The following VPS13D variants were observed in gnomAD, a reference collection of about 807,000 sequenced individuals.
VPS13D encodes intermembrane lipid transfer protein VPS13D.
In VPS13D, 187 loss-of-function variants were observed where a neutral mutation model predicts 461.9. The ratio of observed to expected loss-of-function variants is 0.40; its 90% confidence interval spans 0.36 to 0.46. VPS13D has a LOEUF of 0.46. VPS13D is among the 20% of genes least tolerant of loss of function. The probability of loss-of-function intolerance (pLI) is 0.60; values close to 1 mark genes in which losing one functional copy is unlikely to be tolerated. For missense variants in VPS13D, 4,711 were observed against 5,364.9 expected (o/e 0.88, Z 3.81); for synonymous variants, 1,951 against 1,986.3 (o/e 0.98, Z 0.47).
chr1:12,345,282 A>G (rs1471337631), intron 42 of VPS13D, 92 bp from the exon 43 acceptor site: 1 of 1,443,778 alleles, frequency 6.9e-7, no homozygotes, highest in Non-Finnish European at 9.4e-7. Context: ...TTTTTACATC[A>G]TATGTACTAA....
chr1:12,411,882 G>A (rs1331872441), intron 63 of VPS13D, among the ~76,000 whole-genome samples: 3 of 152,276 alleles, frequency 2.0e-5, no homozygotes, highest in East Asian at 1.9e-4. Flanking sequence ...GCTTCTTCAC[G>A]TGGTGGAAGC....
At chr1:12,336,186 C>T in intron 39 of VPS13D, 1 of 200,932 alleles carries the variant, frequency 5.0e-6, no homozygotes, top group Non-Finnish European at 1.0e-5. Flanking sequence ...ATTTTTTTGG[C>T]CAGATTTTTA....
chr1:12,313,830 C>T (rs1253572539), intron 29 of VPS13D, among the ~76,000 whole-genome samples: 1 of 152,084 alleles, frequency 6.6e-6, no homozygotes, highest in Non-Finnish European at 1.5e-5. Flanking sequence ...GGAATGATAA[C>T]GGATTCAGAA....
chr1:12,508,859 G>A (rs1303899843), intron 69 of VPS13D, 34 bp from the exon 70 acceptor site: 1 of 1,606,152 alleles, frequency 6.2e-7, no homozygotes, highest in South Asian at 1.1e-5. Context: ...TCCCCATCCT[G>A]GGGACAGGTG....
intron 65 of VPS13D, among the ~76,000 whole-genome samples, chr1:12,441,855 G>C (rs1645135637): frequency 6.6e-6 from 1 of 152,198 alleles, no homozygotes; most frequent in South Asian, 2.1e-4. Context: ...TGATCAGAGA[G>C]TATTTTTTGG....
intron 2 of VPS13D, among the ~76,000 whole-genome samples, chr1:12,239,141 C>G (rs1463288188): frequency 6.6e-6 from 1 of 151,752 alleles, no homozygotes; most frequent in Non-Finnish European, 1.5e-5. Context: ...ATCTTTTTTT[C>G]TTTTTTCTTT....
chr1:12,374,871 G>A (rs920286340), intron 55 of VPS13D, among the ~76,000 whole-genome samples: 17 of 152,152 alleles, frequency 1.1e-4, no homozygotes, highest in African/African-American at 3.6e-4. Flanking sequence ...CCGAGTAGCT[G>A]GGACTACAGG....
At chr1:12,292,262 CAAAAA>C (rs766212937) in intron 23 of VPS13D, among the ~76,000 whole-genome samples, 1 of 12,244 alleles carries the variant, frequency 8.2e-5, no homozygotes, top group Non-Finnish European at 1.4e-4. Flanking sequence ...AACTCCATCT[CAAAAA>C]AAAAAAAAAA....
chr1:12,436,278 G>T (rs1027105915), intron 65 of VPS13D, among the ~76,000 whole-genome samples: 13 of 152,210 alleles, frequency 8.5e-5, no homozygotes, highest in African/African-American at 2.7e-4. Context: ...GACAAGGAAG[G>T]TCTGTACAGG....
chr1:12,344,571 A>G (rs1018776396), intron 42 of VPS13D, among the ~76,000 whole-genome samples: 1 of 152,202 alleles, frequency 6.6e-6, no homozygotes, highest in African/African-American at 2.4e-5. Context: ...CCTCTGTCAT[A>G]TCAGAAAGGG....
chr1:12,459,175 A>AGGG (rs1166244583), intron 66 of VPS13D, among the ~76,000 whole-genome samples: 1 of 152,232 alleles, frequency 6.6e-6, no homozygotes, highest in Non-Finnish European at 1.5e-5. Flanking sequence ...GGGGGAAAAA[A>AGGG]GATTTCACGA....
At chr1:12,309,417 G>A (rs1275878084) in intron 27 of VPS13D, among the ~76,000 whole-genome samples, 7 of 151,418 alleles carry the variant, frequency 4.6e-5, no homozygotes, top group Admixed American at 2.0e-4. Context: ...CACCATGTTG[G>A]CCAGGATGGT....
chr1:12,272,404 T>A lies in VPS13D; in HGVS notation c.2104-599T>A, dbSNP rs548237172. The stretch of plus-strand genomic sequence containing the variant: ...TGTTTTTTGTTTTGGTGTGTGTGTG[T>A]GTGTGTGTGTGTGTGTGTGTGTGTG... On this transcript the variant is annotated intron_variant, in intron 17 of 69. Coordinates refer to ENST00000620676, the MANE Select transcript of VPS13D (RefSeq NM_015378.4). Among the ~76,000 whole-genome samples the A allele has an allele frequency of 6.6e-5, 10 of 150,672 alleles. No individual in the cohort carries two copies. In the South Asian group the frequency reaches 1.5e-3, roughly 22 times the overall value.
intron 52 of VPS13D, among the ~76,000 whole-genome samples, chr1:12,365,046 C>G (rs1333068500): frequency 6.6e-6 from 1 of 152,146 alleles, no homozygotes; most frequent in Non-Finnish European, 1.5e-5. Flanking sequence ...GATCTTGGTA[C>G]TGTTGTTGAA....
intron 26 of VPS13D, among the ~76,000 whole-genome samples, chr1:12,307,169 C>T (rs915175981): frequency 6.6e-6 from 1 of 152,220 alleles, no homozygotes; most frequent in African/African-American, 2.4e-5. Context: ...AGTATATTAA[C>T]ATGCTGTTAG....
chr1:12,372,498 T>TGAC (rs1416474203), intron 54 of VPS13D, among the ~76,000 whole-genome samples: 1 of 152,216 alleles, frequency 6.6e-6, no homozygotes, highest in African/African-American at 2.4e-5. Context: ...TATTAGTCAT[T>TGAC]TGTGTATATT....
intron 67 of VPS13D, among the ~76,000 whole-genome samples, chr1:12,472,511 C>T (rs1645576987): frequency 1.3e-5 from 2 of 152,208 alleles, no homozygotes; most frequent in African/African-American, 4.8e-5. Context: ...AGGCCACCAT[C>T]CTAATTAGCT....
intron 13 of VPS13D, 68 bp downstream of exon 13, chr1:12,262,148 A>C: frequency 2.8e-4 from 417 of 1,509,184 alleles, no homozygotes; most frequent in Non-Finnish European, 3.4e-4. Context: ...GGCGATTCTC[A>C]TTATTTGCTG....
chr1:12,306,888 A>T (rs765434459), intron 26 of VPS13D, among the ~76,000 whole-genome samples: 37 of 152,120 alleles, frequency 2.4e-4, no homozygotes, highest in Non-Finnish European at 5.0e-4. Context: ...ACCCCAATGA[A>T]AATCTAATCC....
Sources: allele counts gnomAD v4.1 joint callset (sites outside exome capture counted in the v4.1 genomes callset), GRCh38; gene constraint gnomAD v4.1.1; transcripts MANE v1.5; gene names NCBI Gene and HGNC (gene_info 2026-07-23, HGNC 2026-07-21).